KLRG1: variants seen among roughly 807,000 people sequenced by gnomAD.
KLRG1 encodes killer cell lectin like receptor G1.
Under a neutral mutation model 21.8 loss-of-function variants are expected in KLRG1, and 16 were observed. That is an observed-to-expected ratio of 0.73 (90% confidence interval 0.50 to 1.11). The LOEUF (loss-of-function observed/expected upper bound fraction) is 1.11. Among genes scored for constraint, KLRG1 ranks in the 50% most tolerant of loss-of-function variants. The pLI is 0.00. For synonymous variants in KLRG1, 69 were observed against 75.9 expected (o/e 0.91, Z 0.47); for missense variants, 173 against 218.3 (o/e 0.79, Z 1.31).
At chr12:9,212,453 C>G in the KLRG1 span, among the ~76,000 whole-genome samples, 1 of 152,036 alleles carries the variant, frequency 6.6e-6, no homozygotes, top group African/African-American at 2.4e-5. Context: ...AGAAAGTAGC[C>G]AATCATCTTT....
chr12:9,197,114 A>G, the KLRG1 span: 3,089 of 1,606,754 alleles, frequency 1.9e-3, 49 homozygotes, highest in African/African-American at 0.034. Flanking sequence ...CAGGCTTCCC[A>G]TAAGTGTATC....
At chr12:9,023,869 C>G in the KLRG1 span, among the ~76,000 whole-genome samples, 1 of 151,862 alleles carries the variant, frequency 6.6e-6, no homozygotes, top group Non-Finnish European at 1.5e-5. Context: ...TTTTATATAA[C>G]TTTTATACAT....
At chr12:9,024,018 ATTTTTTTTTTTTT>A in the KLRG1 span, among the ~76,000 whole-genome samples, 3 of 70,936 alleles carry the variant, frequency 4.2e-5, no homozygotes, top group Non-Finnish European at 7.4e-5. Flanking sequence ...GAACACATGG[ATTTTTTTTTTTTT>A]TTTTTTTTTT....
the KLRG1 span, chr12:9,115,956 T>C: frequency 1.1e-6 from 1 of 897,182 alleles, no homozygotes; most frequent in Non-Finnish European, 1.9e-6. Context: ...TATGCTGCTC[T>C]GTGTGCAAAC....
At chr12:8,979,671 T>C (rs1183183477) in intron 1 of KLRG1, among the ~76,000 whole-genome samples, 1 of 152,162 alleles carries the variant, frequency 6.6e-6, no homozygotes, top group Non-Finnish European at 1.5e-5. Flanking sequence ...TTCTCTATTC[T>C]CCTTGTGGGA....
the KLRG1 span, chr12:9,154,760 A>G: frequency 1.2e-6 from 2 of 1,614,128 alleles, no homozygotes; most frequent in Admixed American, 3.3e-5. Context: ...TCTCCACCTC[A>G]GCAGAGGGAG....
the KLRG1 span, chr12:9,080,314 G>T: frequency 2.1e-6 from 1 of 465,402 alleles, no homozygotes; most frequent in Non-Finnish European, 3.9e-6. Context: ...TAATACAACA[G>T]TAATATATAA....
the KLRG1 span, chr12:9,197,020 T>A: frequency 2.5e-6 from 4 of 1,608,656 alleles, no homozygotes; most frequent in Non-Finnish European, 3.4e-6. Flanking sequence ...ACCTGTTGAC[T>A]GAATTCCTCA....
the KLRG1 span, chr12:9,192,457 G>T: frequency 1.3e-6 from 2 of 1,506,774 alleles, no homozygotes; most frequent in South Asian, 1.1e-5. Context: ...TGAGCCTATT[G>T]ACCACTTTTG....
the KLRG1 span, chr12:9,058,482 CAT>C: frequency 6.2e-4 from 94 of 151,962 alleles, no homozygotes; most frequent in Admixed American, 4.1e-3. Flanking sequence ...TTAATATAAA[CAT>C]ATAAATATTC....
chr12:9,189,147 T>C, the KLRG1 span, among the ~76,000 whole-genome samples: 2 of 152,134 alleles, frequency 1.3e-5, no homozygotes, highest in African/African-American at 2.4e-5. Context: ...GATAAAACTA[T>C]TTAAAAATGT....
the KLRG1 span, among the ~76,000 whole-genome samples, chr12:9,103,196 A>G: frequency 1.3e-5 from 2 of 152,232 alleles, no homozygotes; most frequent in African/African-American, 4.8e-5. Context: ...AAAAGTATCT[A>G]ACAGTTAAAG....
chr12:8,982,386 C>T (rs1210777880), intron 1 of KLRG1, among the ~76,000 whole-genome samples: 21 of 152,160 alleles, frequency 1.4e-4, no homozygotes, highest in Admixed American at 1.4e-3. Context: ...TTGACTTTCC[C>T]AGAAGGAAAT....
chr12:9,077,062 T>C, the KLRG1 span: 21 of 780,610 alleles, frequency 2.7e-5, no homozygotes, highest in African/African-American at 2.4e-4. Context: ...CTCATTCTTA[T>C]CAATAGATAT....
At chr12:8,959,152 G>T (rs1488688189) in intron 1 of KLRG1, among the ~76,000 whole-genome samples, 1 of 152,108 alleles carries the variant, frequency 6.6e-6, no homozygotes, top group Admixed American at 6.5e-5. Context: ...TATGGTAGGG[G>T]CTTGAACTTT....
At chr12:9,196,824 A>C in the KLRG1 span, 5 of 793,220 alleles carry the variant, frequency 6.3e-6, no homozygotes, top group East Asian at 2.6e-5. Context: ...CTTAATACTC[A>C]TATCTGCTTT....
chr12:9,088,819 G>A, the KLRG1 span, among the ~76,000 whole-genome samples: 1 of 152,146 alleles, frequency 6.6e-6, no homozygotes, highest in East Asian at 1.9e-4. Flanking sequence ...AATACTGTTG[G>A]CTATGTAAAA....
the KLRG1 span, among the ~76,000 whole-genome samples, chr12:9,197,911 A>G: frequency 7.9e-6 from 1 of 127,248 alleles, no homozygotes. Context: ...ATATATTTAT[A>G]TTATATATTA....
the KLRG1 span, among the ~76,000 whole-genome samples, chr12:9,021,743 C>T: frequency 5.9e-5 from 9 of 152,020 alleles, no homozygotes; most frequent in East Asian, 9.6e-4. Context: ...ACATTAGCCT[C>T]GGGCTACACA....
Sources: allele counts gnomAD v4.1 joint callset (sites outside exome capture counted in the v4.1 genomes callset), GRCh38; gene constraint gnomAD v4.1.1; transcripts MANE v1.5; gene names NCBI Gene and HGNC (gene_info 2026-07-23, HGNC 2026-07-21).